The following ITPKB variants were observed in gnomAD, a reference collection of about 807,000 sequenced individuals.
ITPKB encodes inositol-trisphosphate 3-kinase B.
ITPKB carries 13 observed loss-of-function variants against 69.4 expected under a neutral mutation model. The observed-to-expected ratio is 0.19, with a 90% CI of 0.12 to 0.30. ITPKB has a LOEUF of 0.30. Among genes scored for constraint, ITPKB ranks in the 10% least tolerant of loss-of-function variants. ITPKB has a pLI of 1.00. For synonymous variants in ITPKB, 584 were observed against 513.7 expected (o/e 1.14, Z -1.85); for missense variants, 1,240 against 1,250.5 (o/e 0.99, Z 0.13).
chr1:226,716,383 ATCT>A (rs1490542065), intron 2 of ITPKB, among the ~76,000 whole-genome samples: 1 of 152,146 alleles, frequency 6.6e-6, no homozygotes, highest in African/African-American at 2.4e-5. Context: ...TTTTCTAAAA[ATCT>A]TCTCTTTTTA....
intron 2 of ITPKB, among the ~76,000 whole-genome samples, chr1:226,710,751 C>T (rs1412129353): frequency 6.6e-6 from 1 of 152,230 alleles, no homozygotes; most frequent in East Asian, 1.9e-4. Flanking sequence ...GGATGGCCAC[C>T]ACACCCTGCC....
At chr1:226,679,248 T>A (rs1037110723) in intron 2 of ITPKB, among the ~76,000 whole-genome samples, 6 of 152,246 alleles carry the variant, frequency 3.9e-5, no homozygotes, top group African/African-American at 1.4e-4. Context: ...ATTGCCCCTT[T>A]TCAGATGTGG....
chr1:226,647,797 T>C (rs1280442349), intron 3 of ITPKB, among the ~76,000 whole-genome samples: 2 of 152,138 alleles, frequency 1.3e-5, no homozygotes, highest in African/African-American at 2.4e-5. Flanking sequence ...AGAGCCAAGG[T>C]GGGGAGATAC....
chr1:226,725,307 G>C (rs1657377236), intron 2 of ITPKB, among the ~76,000 whole-genome samples: 1 of 152,190 alleles, frequency 6.6e-6, no homozygotes, highest in Non-Finnish European at 1.5e-5. Flanking sequence ...CCTGCTATTT[G>C]GGCTGCCACT....
intron 2 of ITPKB, among the ~76,000 whole-genome samples, chr1:226,734,537 G>A (rs1657689401): frequency 6.6e-6 from 1 of 152,114 alleles, no homozygotes; most frequent in African/African-American, 2.4e-5. Flanking sequence ...ACCACCCCTG[G>A]CACACTGAAC....
intron 4 of ITPKB, among the ~76,000 whole-genome samples, chr1:226,645,451 C>A (rs1669042951): frequency 6.6e-6 from 1 of 152,040 alleles, no homozygotes; most frequent in Non-Finnish European, 1.5e-5. Context: ...CTGTCCCCAG[C>A]AGGAGCAGGC....
At chr1:226,708,846 C>T (rs1389898630) in intron 2 of ITPKB, among the ~76,000 whole-genome samples, 1 of 152,244 alleles carries the variant, frequency 6.6e-6, no homozygotes, top group Non-Finnish European at 1.5e-5. Flanking sequence ...CATCTTAACT[C>T]GTGAGGCAGC....
intron 2 of ITPKB, among the ~76,000 whole-genome samples, chr1:226,734,004 G>A (rs1422046924): frequency 1.3e-5 from 2 of 152,224 alleles, no homozygotes; most frequent in African/African-American, 4.8e-5. Context: ...GAGTTCAAAA[G>A]CAACTGGGAG....
intron 2 of ITPKB, among the ~76,000 whole-genome samples, chr1:226,688,828 T>C (rs1656278495): frequency 6.6e-6 from 1 of 152,210 alleles, no homozygotes; most frequent in South Asian, 2.1e-4. Flanking sequence ...TGGGTAGGGA[T>C]AGGGATGGGA....
At chr1:226,658,833 CAGG>C (rs1257404068) in intron 2 of ITPKB, among the ~76,000 whole-genome samples, 3 of 152,146 alleles carry the variant, frequency 2.0e-5, no homozygotes, top group East Asian at 1.9e-4. Context: ...GGGCCTGGGG[CAGG>C]AGAACGAGGA....
intron 2 of ITPKB, among the ~76,000 whole-genome samples, chr1:226,690,056 G>A (rs908794818): frequency 3.3e-5 from 5 of 152,132 alleles, no homozygotes; most frequent in African/African-American, 1.2e-4. Context: ...TTGCCATTAT[G>A]GAACAGTGCT....
rs566221735 is a variant in ITPKB at position 226,729,006 on chromosome 1, C to T, written c.1932+6521G>A. On this transcript the variant is annotated intron_variant, in intron 2 of 7. Coordinates refer to ENST00000429204, the MANE Select transcript of ITPKB (RefSeq NM_002221.4). Reference sequence around the variant, plus strand: ...GGATTTTTTCTCTCCTTCATTCATTCACCCATTCCTTTAACAAATGCTTTA... The same window carrying T: ...GGATTTTTTCTCTCCTTCATTCATTTACCCATTCCTTTAACAAATGCTTTA... 3.9e-5 allele frequency among the ~76,000 whole-genome samples: 6 copies of T among 152,290 alleles called. No homozygotes were observed. In the East Asian group the frequency reaches 1.2e-3, roughly 29 times the overall value.
At position 226,737,020 on chromosome 1, in the gene ITPKB, C is replaced by T; in HGVS notation, c.439G>A (p.Val147Met). ...ELQNVQVNQKVGMFEAHIQAQ... is the reference protein window; with the variant it reads ...ELQNVQVNQKMGMFEAHIQAQ... ...TGGATGTGCGCCTCAAACATGCCCACTTTCTGGTTCACCTGCACGTTCTGC... is the reference window on the plus strand; with the variant it reads ...TGGATGTGCGCCTCAAACATGCCCATTTTCTGGTTCACCTGCACGTTCTGC... The change falls in exon 2 of 8, where the codon GTG becomes ATG. Residue 147 changes from valine to methionine, a missense_variant. Physicochemically the swap from Val to Met is conservative, Grantham distance 21. This residue lies in a region of ITPKB where 992 missense variants were observed against 853.8 expected (regional missense o/e 1.16). Transcript: ENST00000429204. 1 of 1,612,836 alleles carries T rather than the reference C, an allele frequency of 6.2e-7. No homozygotes were observed. Among genetic ancestry groups the T allele is most frequent in the Non-Finnish European group, 8.5e-7 (1 of 1,179,952 alleles).
At chr1:226,702,398 GGA>G (rs1558090138) in intron 2 of ITPKB, among the ~76,000 whole-genome samples, 1 of 138,054 alleles carries the variant, frequency 7.2e-6, no homozygotes, top group Non-Finnish European at 1.6e-5. Flanking sequence ...ACTCCCTCTC[GGA>G]AAAAAAAAAA....
intron 3 of ITPKB, 68 bp from the exon 4 acceptor site, chr1:226,647,448 C>A: frequency 1.7e-6 from 2 of 1,208,996 alleles, no homozygotes. Context: ...CCCTCCCCAG[C>A]ACAGGGTCTG....
intron 2 of ITPKB, among the ~76,000 whole-genome samples, chr1:226,666,096 A>G (rs568962139): frequency 2.6e-5 from 4 of 152,302 alleles, no homozygotes; most frequent in Non-Finnish European, 4.4e-5. Context: ...AGGGCTACCA[A>G]TGGGCTTCTC....
Position 226,736,072 on chromosome 1 carries a change from T to G in ITPKB, c.1387A>C (p.Thr463Pro). 1 of 1,612,394 alleles carries G rather than the reference T, an allele frequency of 6.2e-7. No individual in the cohort carries two copies. The highest frequency in any genetic ancestry group is 1.1e-5 in the South Asian group (1 of 91,046). Residue 463 changes from threonine to proline, a missense_variant, in exon 2 of 8, where the codon ACC becomes CCC. This residue lies in a region of ITPKB where 992 missense variants were observed against 853.8 expected (regional missense o/e 1.16). Coordinates refer to ENST00000429204, the MANE Select transcript of ITPKB (RefSeq NM_002221.4). Reference sequence around the variant, plus strand: ...GGAATTCCCGCCTCCACATTCCCGGTCCCCGGCTGTGCTGAGGGGCTGCCC... The same window carrying G: ...GGAATTCCCGCCTCCACATTCCCGGGCCCCGGCTGTGCTGAGGGGCTGCCC... Reference protein sequence around the residue: ...LGGSPSAQPGTGNVEAGIPSG... With the variant: ...LGGSPSAQPGPGNVEAGIPSG...
intron 2 of ITPKB, among the ~76,000 whole-genome samples, chr1:226,691,926 C>A (rs917965921): frequency 1.3e-5 from 2 of 152,156 alleles, no homozygotes; most frequent in African/African-American, 2.4e-5. Flanking sequence ...CAGGGCCCAC[C>A]TGGAGTCTGT....
chr1:226,639,906 T>C (rs988327245), intron 5 of ITPKB, among the ~76,000 whole-genome samples: 23 of 152,148 alleles, frequency 1.5e-4, no homozygotes, highest in African/African-American at 5.5e-4. Context: ...TGAACAGTGG[T>C]AGGAAAGGCC....
Sources: allele counts gnomAD v4.1 joint callset (sites outside exome capture counted in the v4.1 genomes callset), GRCh38; gene constraint gnomAD v4.1.1; regional missense constraint gnomAD v4.1.1; transcripts MANE v1.5; gene names NCBI Gene and HGNC (gene_info 2026-07-23, HGNC 2026-07-21).